MAP2K1: variants seen among roughly 807,000 people sequenced by gnomAD.
MAP2K1 encodes the protein mitogen-activated protein kinase kinase 1.
A neutral mutation model predicts 46.3 loss-of-function variants in MAP2K1; 16 were observed. The observed-to-expected ratio is 0.35, with a 90% CI of 0.23 to 0.52. The LOEUF (loss-of-function observed/expected upper bound fraction) is 0.52, where lower values mean the gene tolerates loss of function less well. MAP2K1 is among the 20% of genes least tolerant of loss of function. The probability of loss-of-function intolerance (pLI) is 0.94; values close to 1 mark genes in which losing one functional copy is unlikely to be tolerated. For missense variants in MAP2K1, 263 were observed against 497.1 expected (o/e 0.53, Z 4.48); for synonymous variants, 183 against 185.6 (o/e 0.99, Z 0.11).
chr15:66,475,669 C>T (rs57887283), intron 5 of MAP2K1, among the ~76,000 whole-genome samples: 2,884 of 152,244 alleles, frequency 0.019, 86 homozygotes, highest in African/African-American at 0.066. Flanking sequence ...ATCTACCTGC[C>T]GGGGGCCTTG....
At position 66,429,101 on chromosome 15, in the gene MAP2K1, T is replaced by G. The variant is rs192732358; in HGVS notation, c.81-5926T>G. 5.9e-5 allele frequency among the ~76,000 whole-genome samples: 9 copies of G among 152,236 alleles called. No homozygotes were observed. In the East Asian group the frequency reaches 1.4e-3, roughly 23 times the overall value. The stretch of plus-strand genomic sequence containing the variant: ...GGCCTTGAATTTTTGACAGATGGAA[T>G]GACATAGTGTATTAGTCTGTTTTCA... On this transcript the variant is annotated intron_variant, in intron 1 of 10. Coordinates refer to ENST00000307102, the MANE Select transcript of MAP2K1 (RefSeq NM_002755.4).
chr15:66,430,704 A>G (rs541206531), intron 1 of MAP2K1, among the ~76,000 whole-genome samples: 37 of 152,272 alleles, frequency 2.4e-4, no homozygotes, highest in African/African-American at 7.7e-4. Context: ...TTGGTCTTCA[A>G]GGTCCCTCCC....
rs145964857 is a variant in MAP2K1, at chr15:66,415,904, A to G, written c.81-19123A>G. Among the ~76,000 whole-genome samples, 774 of 152,310 alleles carry G rather than the reference A, an allele frequency of 5.1e-3. 3 individuals are homozygous for G. The highest frequency in any genetic ancestry group is 8.4e-3 in the Non-Finnish European group (571 of 68,024). ...GTTTTACTTTAGACTATATATTTCT[A>G]GACTAGTTGGATTTTTTCATACTGA... On this transcript the variant is annotated intron_variant, in intron 1 of 10. Transcript: ENST00000307102.
chr15:66,420,339 G>A (rs1432287892), intron 1 of MAP2K1, among the ~76,000 whole-genome samples: 1 of 152,078 alleles, frequency 6.6e-6, no homozygotes, highest in Non-Finnish European at 1.5e-5. Context: ...GGCCAAGGTG[G>A]GTGGACCACT....
At chr15:66,477,950 C>A (rs1473291187) in intron 5 of MAP2K1, among the ~76,000 whole-genome samples, 3 of 152,108 alleles carry the variant, frequency 2.0e-5, no homozygotes, top group Admixed American at 2.0e-4. Context: ...TCTGAGGGGC[C>A]ATGGGCATGG....
chr15:66,412,157 C>T (rs933381351), intron 1 of MAP2K1, among the ~76,000 whole-genome samples: 1 of 152,178 alleles, frequency 6.6e-6, no homozygotes, highest in African/African-American at 2.4e-5. Context: ...GCTTTAGTGT[C>T]GCTGTAAAAG....
At chr15:66,470,859 T>G (rs767783741) in intron 5 of MAP2K1, among the ~76,000 whole-genome samples, 1 of 152,208 alleles carries the variant, frequency 6.6e-6, no homozygotes, top group African/African-American at 2.4e-5. Context: ...CCTGATGATA[T>G]GTGCCCAAGG....
At chr15:66,463,173 A>G (rs911715814) in intron 5 of MAP2K1, among the ~76,000 whole-genome samples, 1 of 152,140 alleles carries the variant, frequency 6.6e-6, no homozygotes, top group Non-Finnish European at 1.5e-5. Flanking sequence ...AATTAGGGGG[A>G]TACATCTGAA....
intron 5 of MAP2K1, among the ~76,000 whole-genome samples, chr15:66,454,837 C>A (rs556820951): frequency 6.8e-4 from 103 of 151,862 alleles, no homozygotes; most frequent in African/African-American, 2.4e-3. Flanking sequence ...GAGCCGAGAT[C>A]GTGCCACTGC....
intron 5 of MAP2K1, among the ~76,000 whole-genome samples, chr15:66,461,369 C>T (rs1892314650): frequency 6.6e-6 from 1 of 151,894 alleles, no homozygotes; most frequent in African/African-American, 2.4e-5. Flanking sequence ...CCTGTAATTC[C>T]AGCAGGCTTA....
intron 5 of MAP2K1, among the ~76,000 whole-genome samples, chr15:66,447,018 T>G (rs1359760856): frequency 6.6e-6 from 1 of 152,146 alleles, no homozygotes; most frequent in Non-Finnish European, 1.5e-5. Context: ...CTGTCGGCCA[T>G]GTCCCTTCAG....
At chr15:66,418,844 C>T (rs2093430614) in intron 1 of MAP2K1, among the ~76,000 whole-genome samples, 1 of 149,772 alleles carries the variant, frequency 6.7e-6, no homozygotes, top group South Asian at 2.1e-4. Context: ...GAGAGGGTTT[C>T]AATGTGTTAG....
At chr15:66,483,178 G>A (rs1892952927) in intron 6 of MAP2K1, among the ~76,000 whole-genome samples, 1 of 152,126 alleles carries the variant, frequency 6.6e-6, no homozygotes, top group Admixed American at 6.6e-5. Context: ...TCTTGGGGAG[G>A]ATTTGGCACC....
chr15:66,471,850 G>A (rs577155720), intron 5 of MAP2K1, among the ~76,000 whole-genome samples: 103 of 152,146 alleles, frequency 6.8e-4, no homozygotes, highest in South Asian at 2.3e-3. Context: ...AGGCCAAGGC[G>A]GGCAGTTCGT....
At chr15:66,488,653 C>T (rs1893134887) in intron 8 of MAP2K1, 2 of 187,732 alleles carry the variant, frequency 1.1e-5, no homozygotes, top group Non-Finnish European at 2.2e-5. Flanking sequence ...CCAGATCCAG[C>T]CCTCTGTCAG....
chr15:66,472,957 C>G (rs551164441), intron 5 of MAP2K1, among the ~76,000 whole-genome samples: 14 of 152,322 alleles, frequency 9.2e-5, no homozygotes, highest in African/African-American at 3.4e-4. Flanking sequence ...ACCCACCTCA[C>G]TACCTCCCAC....
intron 1 of MAP2K1, among the ~76,000 whole-genome samples, chr15:66,415,864 A>T (rs533784986): frequency 2.4e-4 from 37 of 152,348 alleles, no homozygotes; most frequent in African/African-American, 7.5e-4. Context: ...TATCTGAGGG[A>T]AGGTGGAACA....
intron 3 of MAP2K1, 106 bp downstream of exon 3, chr15:66,436,998 G>A (rs1470652042): frequency 8.4e-7 from 1 of 1,186,532 alleles, no homozygotes; most frequent in African/African-American, 1.5e-5. Flanking sequence ...GCTGCTCCTG[G>A]GATCCACATC....
At chr15:66,457,963 G>GA (rs35205995) in intron 5 of MAP2K1, among the ~76,000 whole-genome samples, 9,483 of 113,924 alleles carry the variant, frequency 0.083, 356 homozygotes, top group Middle Eastern at 0.15. Context: ...GACTGTCTCA[G>GA]AAAAAAAAAA....
Sources: gnomAD v4.1 joint callset for allele counts (sites outside exome capture counted in the v4.1 genomes callset) on GRCh38, gnomAD v4.1.1 for gene constraint, MANE v1.5 for transcripts, NCBI Gene and HGNC (gene_info 2026-07-23, HGNC 2026-07-21) for gene names.